Variants in CLNK observed in about 807,000 individuals in gnomAD.
The protein encoded by CLNK is cytokine dependent hematopoietic cell linker, also known as cytokine-dependent hematopoietic cell linker.
CLNK carries 74 observed loss-of-function variants against 68.6 expected under a neutral mutation model. The observed-to-expected ratio is 1.08, with a 90% CI of 0.89 to 1.31. CLNK has a LOEUF of 1.31. Ranked by LOEUF, CLNK falls within the 50% of genes most tolerant of loss-of-function variation. CLNK has a pLI of 0.00. For missense variants in CLNK, 553 were observed against 515.3 expected, an observed-to-expected ratio of 1.07 and a Z score of -0.71; for synonymous variants, 198 against 172.2, an observed-to-expected ratio of 1.15 and a Z score of -1.17.
chr4:10,689,745 A>ATTTTTTTCTTTTTTTTTTTTTTTTT (rs1725396013), upstream of CLNK, among the ~76,000 whole-genome samples: 1 of 100,094 alleles, frequency 1.0e-5, no homozygotes, highest in Non-Finnish European at 2.0e-5. Context: ...AAACCCATGC[A>ATTTTTTTCTTTTTTTTTTTTTTTTT]TTTTTTTTTT....
intron 2 of CLNK, among the ~76,000 whole-genome samples, chr4:10,638,136 C>T (rs1723167324): frequency 6.6e-6 from 1 of 152,186 alleles, no homozygotes; most frequent in Admixed American, 6.5e-5. Flanking sequence ...GCCTGACATT[C>T]AGCCTGTGTC....
chr4:10,583,774 C>G (rs776563376), intron 4 of CLNK, among the ~76,000 whole-genome samples: 4 of 152,184 alleles, frequency 2.6e-5, no homozygotes, highest in Non-Finnish European at 4.4e-5. Context: ...ACGGAGTGCC[C>G]ATCTGCCCAT....
intron 2 of CLNK, among the ~76,000 whole-genome samples, chr4:10,632,290 T>C (rs1722922151): frequency 6.6e-6 from 1 of 152,166 alleles, no homozygotes; most frequent in Non-Finnish European, 1.5e-5. Flanking sequence ...TTTCCACCTC[T>C]CTCCATCTGA....
chr4:10,511,732 G>T (rs1363826437), intron 16 of CLNK, among the ~76,000 whole-genome samples: 1 of 152,170 alleles, frequency 6.6e-6, no homozygotes, highest in Non-Finnish European at 1.5e-5. Context: ...CATTGTGTGT[G>T]TGTGTATACC....
At chr4:10,680,793 T>G (rs1725068421) in intron 1 of CLNK, among the ~76,000 whole-genome samples, 1 of 152,104 alleles carries the variant, frequency 6.6e-6, no homozygotes, top group African/African-American at 2.4e-5. Flanking sequence ...AAAACCATAT[T>G]GCTAGGAAGT....
intron 2 of CLNK, among the ~76,000 whole-genome samples, chr4:10,630,539 G>C (rs893485961): frequency 2.0e-5 from 3 of 152,114 alleles, no homozygotes; most frequent in African/African-American, 7.2e-5. Context: ...CTCCAAATAG[G>C]CTGTGAATTC....
In CLNK at chr4:10,490,103, C is replaced by A; in HGVS notation, c.*364G>T. On this transcript the variant is annotated 3_prime_UTR_variant, in exon 19 of 19. Transcript: ENST00000226951. ...AGACTTGTCTTGCACTGACTGCAAA[C>A]ATTTAAGCAACAGCTTCTGGTGCCC... is the stretch of plus-strand genomic sequence containing the variant. The A allele has an allele frequency of 5.1e-6, 1 of 195,776 alleles. No individual in the cohort carries two copies. The allele number at this position is 195,776 out of a possible 1,614,324, so 12.1% of individuals were successfully genotyped here.
At chr4:10,588,018 A>G (rs573548274) in intron 3 of CLNK, among the ~76,000 whole-genome samples, 31 of 152,322 alleles carry the variant, frequency 2.0e-4, no homozygotes, top group African/African-American at 6.7e-4. Flanking sequence ...CACTTTAGAC[A>G]TATGGCCTCT....
At chr4:10,494,396 A>C (rs949477622) in intron 18 of CLNK, among the ~76,000 whole-genome samples, 3 of 152,272 alleles carry the variant, frequency 2.0e-5, no homozygotes, top group African/African-American at 7.2e-5. Flanking sequence ...ATTTCATATG[A>C]AATTGTAACT....
intron 4 of CLNK, among the ~76,000 whole-genome samples, chr4:10,575,171 C>G (rs764641810): frequency 1.3e-4 from 20 of 152,212 alleles, no homozygotes; most frequent in Non-Finnish European, 2.5e-4. Context: ...AATCCCGTAC[C>G]TATCTCCATT....
the CLNK span, among the ~76,000 whole-genome samples, chr4:10,698,379 C>T: frequency 6.6e-6 from 1 of 152,142 alleles, no homozygotes; most frequent in Non-Finnish European, 1.5e-5. Flanking sequence ...TGGTGAAATA[C>T]CCATGCCATT....
At chr4:10,662,204 A>T (rs964838675) in intron 2 of CLNK, among the ~76,000 whole-genome samples, 10 of 152,204 alleles carry the variant, frequency 6.6e-5, no homozygotes, top group African/African-American at 2.4e-4. Context: ...ATATAGTGTT[A>T]AGTTTAATCT....
intron 3 of CLNK, among the ~76,000 whole-genome samples, chr4:10,587,798 T>A (rs1721024568): frequency 6.6e-6 from 1 of 152,146 alleles, no homozygotes; most frequent in South Asian, 2.1e-4. Flanking sequence ...CACCAGCCTA[T>A]CTGCCTCCCC....
At chr4:10,558,992 A>G (rs1186635051) in intron 7 of CLNK, among the ~76,000 whole-genome samples, 1 of 152,142 alleles carries the variant, frequency 6.6e-6, no homozygotes, top group Non-Finnish European at 1.5e-5. Context: ...AAGCACTGAT[A>G]CCTTTTGAGG....
intron 11 of CLNK, among the ~76,000 whole-genome samples, chr4:10,532,829 G>A (rs1421681646): frequency 6.6e-6 from 1 of 152,168 alleles, no homozygotes; most frequent in African/African-American, 2.4e-5. Flanking sequence ...TTTTGGAAAG[G>A]TCTCTGACTA....
chr4:10,647,988 G>C (rs759454750), intron 2 of CLNK, among the ~76,000 whole-genome samples: 2 of 152,100 alleles, frequency 1.3e-5, no homozygotes, highest in Non-Finnish European at 2.9e-5. Context: ...TGATTTCACT[G>C]TGACTCATCT....
the CLNK span, among the ~76,000 whole-genome samples, chr4:10,719,248 G>A: frequency 2.0e-5 from 3 of 152,084 alleles, no homozygotes; most frequent in African/African-American, 7.2e-5. Context: ...TTAAAAGACA[G>A]ATATTAGCAG....
chr4:10,664,951 A>G lies in CLNK; in HGVS notation c.11+2908T>C, dbSNP rs533648343. Among the ~76,000 whole-genome samples the G allele has an allele frequency of 2.6e-4, 39 of 152,342 alleles. 2 individuals carry two copies. In the South Asian group the frequency reaches 8.1e-3, roughly 32 times the overall value. On this transcript the variant is annotated intron_variant, in intron 2 of 18. Transcript: ENST00000226951. Reference sequence around the variant, plus strand: ...TGGGGCAGGCCAGCAGCAATCCCATACGGATTGACTGGCCTGAGGGTGCAC... The same window carrying G: ...TGGGGCAGGCCAGCAGCAATCCCATGCGGATTGACTGGCCTGAGGGTGCAC...
At chr4:10,707,133 C>A in the CLNK span, among the ~76,000 whole-genome samples, 3 of 152,130 alleles carry the variant, frequency 2.0e-5, no homozygotes, top group Admixed American at 1.3e-4. Context: ...GTCTTTAAAC[C>A]TGGGGTGTCC....
Sources: allele counts gnomAD v4.1 joint callset (sites outside exome capture counted in the v4.1 genomes callset), GRCh38; gene constraint gnomAD v4.1.1; transcripts MANE v1.5; gene names NCBI Gene and HGNC (gene_info 2026-07-23, HGNC 2026-07-21).